Variants in ANKRD30B observed in about 807,000 individuals in gnomAD.
ANKRD30B encodes ankyrin repeat domain-containing protein 30B.
ANKRD30B carries 144 observed loss-of-function variants against 202.2 expected under a neutral mutation model. That is an observed-to-expected ratio of 0.71 (90% CI 0.62 to 0.82). ANKRD30B has a LOEUF of 0.82. Ranked by LOEUF, ANKRD30B falls within the 40% of genes least tolerant of loss-of-function variation. The pLI is 0.00. For missense variants in ANKRD30B, 1,487 were observed against 1,669.1 expected, an observed-to-expected ratio of 0.89 and a Z score of 1.90; for synonymous variants, 508 against 561.3, an observed-to-expected ratio of 0.91 and a Z score of 1.34.
intron 30 of ANKRD30B, among the ~76,000 whole-genome samples, chr18:14,821,050 T>G (rs1179749833): frequency 2.0e-5 from 3 of 152,334 alleles, no homozygotes; most frequent in Admixed American, 2.0e-4. Flanking sequence ...ATCCTGTTAT[T>G]GTTCTATTCA....
In ANKRD30B at chr18:14,817,514, G is replaced by A. The variant is rs552611003; in HGVS notation, c.2641+2803G>A. ...GATTCCTAAATGCCAAGTGATAAACGGTTCGTTGATGATGAGATAGCTCTG... is the reference window on the plus strand; with the variant it reads ...GATTCCTAAATGCCAAGTGATAAACAGTTCGTTGATGATGAGATAGCTCTG... On this transcript the variant is annotated intron_variant, in intron 30 of 43. Transcript: ENST00000690538. 3.4e-4 allele frequency among the ~76,000 whole-genome samples: 52 copies of A among 152,194 alleles called. 1 individual carries two copies. Among genetic ancestry groups the A allele is most frequent in the East Asian group, 1.9e-4 (1 of 5,182 alleles).
downstream of ANKRD30B, among the ~76,000 whole-genome samples, chr18:14,858,955 C>T (rs1391647586): frequency 2.2e-5 from 2 of 90,728 alleles, no homozygotes; most frequent in Admixed American, 9.2e-5. Flanking sequence ...GATGAGGCGG[C>T]CTGGCAGAGG....
At chr18:14,791,591 A>C in intron 16 of ANKRD30B, 100 bp downstream of exon 16, 1 of 882,980 alleles carries the variant, frequency 1.1e-6, no homozygotes. Context: ...TACCTCCTTA[A>C]TGCAAAGCAC....
the ANKRD30B span, among the ~76,000 whole-genome samples, chr18:14,896,985 G>GA: frequency 6.8e-6 from 1 of 147,726 alleles, no homozygotes; most frequent in African/African-American, 2.5e-5. Flanking sequence ...AAAAAAACAG[G>GA]AAAATAAATA....
chr18:14,916,245 T>A, the ANKRD30B span, among the ~76,000 whole-genome samples: 1 of 152,156 alleles, frequency 6.6e-6, no homozygotes, highest in Admixed American at 6.5e-5. Context: ...CTCCAGGAAG[T>A]GTGATCTGCC....
At chr18:14,800,700 A>T (rs1477683085) in intron 22 of ANKRD30B, among the ~76,000 whole-genome samples, 1 of 121,326 alleles carries the variant, frequency 8.2e-6, no homozygotes, top group Non-Finnish European at 1.7e-5. Context: ...AAGTATTCTT[A>T]TGCATGTTTA....
the ANKRD30B span, among the ~76,000 whole-genome samples, chr18:14,929,609 C>T: frequency 6.6e-6 from 1 of 152,064 alleles, no homozygotes; most frequent in Non-Finnish European, 1.5e-5. Context: ...TATTTTAATT[C>T]ATGGAATTAT....
intron 36 of ANKRD30B, among the ~76,000 whole-genome samples, chr18:14,837,991 G>T (rs1271571549): frequency 6.6e-6 from 1 of 152,074 alleles, no homozygotes; most frequent in Admixed American, 6.6e-5. Context: ...ATTCCAGCAT[G>T]GGCAACAGAG....
At position 14,839,280 on chromosome 18, in the gene ANKRD30B, C is replaced by T. The variant is rs535068159; in HGVS notation, c.2989-1308C>T. ...AAATTGAAGAACTTTATAATTAGCA[C>T]GCGTATGGGAGTGGCAGTGGAATTC... On this transcript the variant is annotated intron_variant, in intron 36 of 43. Coordinates refer to ENST00000690538, the MANE Select transcript of ANKRD30B (RefSeq NM_001367607.2). Among the ~76,000 whole-genome samples the T allele has an allele frequency of 5.3e-5, 8 of 152,266 alleles. No individual in the cohort carries two copies. The East Asian group carries it at 9.6e-4, about 18-fold the overall frequency.
At chr18:14,788,714 G>A (rs1244398936) in intron 15 of ANKRD30B, among the ~76,000 whole-genome samples, 2 of 151,994 alleles carry the variant, frequency 1.3e-5, no homozygotes, top group African/African-American at 4.8e-5. Flanking sequence ...TCCCTACAAA[G>A]GACATGAACT....
Position 14,850,228 on chromosome 18 carries a change from A to T in ANKRD30B, c.3410A>T (p.Gln1137Leu), listed in dbSNP as rs779473023. Residue 1137 changes from glutamine (Q) to leucine (L), a missense_variant, in exon 41 of 44, where the codon CAA (glutamine) becomes CTA (leucine). Gln to Leu is a moderately radical substitution (Grantham distance 113, BLOSUM62 -2). Transcript: ENST00000690538. Reference protein sequence around the residue: ...ELCSVRLTLNQEEEKRRNVDI... With the variant: ...ELCSVRLTLNLEEEKRRNVDI... ...TTTAATGGCAGATTGACTTTAAATCAAGAAGAAGAGAAGAGAAGAAATGTC... is the reference window on the plus strand; with the variant it reads ...TTTAATGGCAGATTGACTTTAAATCTAGAAGAAGAGAAGAGAAGAAATGTC... 3.2e-6 allele frequency: 5 copies of T among 1,552,690 alleles called. No individual in the cohort carries two copies. The African/African-American group carries it at 5.6e-5, about 17-fold the overall frequency.
intron 15 of ANKRD30B, among the ~76,000 whole-genome samples, chr18:14,788,808 G>T (rs1968267052): frequency 1.3e-5 from 2 of 151,990 alleles, no homozygotes; most frequent in South Asian, 2.1e-4. Context: ...TGGACATTTG[G>T]GTTGGTTCCA....
At chr18:14,921,075 C>T in the ANKRD30B span, among the ~76,000 whole-genome samples, 1 of 152,088 alleles carries the variant, frequency 6.6e-6, no homozygotes, top group East Asian at 1.9e-4. Context: ...AGGTGGAGCC[C>T]AGTAATGAGG....
At chr18:14,759,305 A>G (rs529449145) in intron 5 of ANKRD30B, 4 of 152,212 alleles carry the variant, frequency 2.6e-5, no homozygotes, top group Non-Finnish European at 5.9e-5. Context: ...TGCAGTCCCC[A>G]AAAGGACATT....
At chr18:14,792,688 C>T (rs188083019) in intron 16 of ANKRD30B, among the ~76,000 whole-genome samples, 2,570 of 151,054 alleles carry the variant, frequency 0.017, 81 homozygotes, top group African/African-American at 0.06. Context: ...TGGACTAAAC[C>T]TCAGTGACTC....
the ANKRD30B span, among the ~76,000 whole-genome samples, chr18:14,917,479 C>T: frequency 1.5e-3 from 227 of 152,314 alleles, no homozygotes; most frequent in African/African-American, 5.1e-3. Context: ...CCTGCAGACA[C>T]GGGGTCTGGC....
At chr18:14,938,728 G>A in the ANKRD30B span, among the ~76,000 whole-genome samples, 16 of 152,166 alleles carry the variant, frequency 1.1e-4, no homozygotes, top group East Asian at 3.8e-4. Flanking sequence ...CCCATGAGGC[G>A]TAAGCATATT....
chr18:14,755,606 A>G (rs1365031189), intron 4 of ANKRD30B, among the ~76,000 whole-genome samples: 1 of 151,352 alleles, frequency 6.6e-6, no homozygotes, highest in African/African-American at 2.4e-5. Flanking sequence ...TCCTGTGTCC[A>G]TGTGTTCTCA....
Position 14,766,493 on chromosome 18 carries a change from A to AAAAAGAAAAG in ANKRD30B, c.1225+2423_1225+2432dup, listed in dbSNP as rs1209587925. Among the ~76,000 whole-genome samples, 51 of 85,046 alleles carry AAAAAGAAAAG rather than the reference A, an allele frequency of 6.0e-4. 2 individuals are homozygous for AAAAAGAAAAG. The highest frequency in any genetic ancestry group is 9.6e-4 in the African/African-American group (25 of 25,986). 55.8% of individuals were successfully genotyped at this position (85,046 alleles called of 152,430 possible). On this transcript the variant is annotated intron_variant, in intron 7 of 43. Coordinates refer to ENST00000690538, the MANE Select transcript of ANKRD30B (RefSeq NM_001367607.2). ...ATCTCAAAAAAAAAAAAAAAAAAAA[A>AAAAAGAAAAG]AAAAGAAAAGAAAAGAAAAGAAAAG... is the stretch of plus-strand genomic sequence containing the variant.
Sources: allele counts gnomAD v4.1 joint callset (sites outside exome capture counted in the v4.1 genomes callset), GRCh38; gene constraint gnomAD v4.1.1; transcripts MANE v1.5; gene names NCBI Gene and HGNC (gene_info 2026-07-23, HGNC 2026-07-21).